Variants in VEGFC observed in about 807,000 individuals in gnomAD.
VEGFC encodes the protein vascular endothelial growth factor C.
In VEGFC, 12 loss-of-function variants were observed where a neutral mutation model predicts 46.1. The ratio of observed to expected loss-of-function variants is 0.26; its 90% CI spans 0.17 to 0.42. The LOEUF is 0.42. Ranked by LOEUF, VEGFC falls within the 10% of genes least tolerant of loss-of-function variation. The probability of loss-of-function intolerance (pLI) is 1.00; values close to 1 mark genes in which losing one functional copy is unlikely to be tolerated. For synonymous variants in VEGFC, 232 were observed against 195.5 expected (o/e 1.19, Z -1.56); for missense variants, 488 against 529.4 (o/e 0.92, Z 0.77).
chr4:176,729,756 A>G lies in VEGFC; in HGVS notation c.148-10T>C, dbSNP rs375440489. The G allele has an allele frequency of 6.3e-5, 98 of 1,561,842 alleles. 2 individuals are homozygous for G. The highest frequency in any genetic ancestry group is 5.9e-4 in the East Asian group (26 of 43,936). ...CTTTGCTTGCATAAGCCTGTCAAAG[A>G]AAAATGCAAGATCAATGACTTACCA... On this transcript the variant is annotated splice_polypyrimidine_tract_variant and intron_variant, in intron 1 of 6. Transcript: ENST00000618562.
intron 4 of VEGFC, among the ~76,000 whole-genome samples, chr4:176,704,863 G>A (rs1231059989): frequency 6.6e-6 from 1 of 152,094 alleles, no homozygotes; most frequent in Non-Finnish European, 1.5e-5. Flanking sequence ...TCTCCAAGAT[G>A]CTTCCTCACC....
chr4:176,707,506 A>AAACAGAAT (rs754169425), intron 4 of VEGFC, among the ~76,000 whole-genome samples: 14 of 152,156 alleles, frequency 9.2e-5, no homozygotes, highest in Non-Finnish European at 1.6e-4. Context: ...TCACAAAGAA[A>AAACAGAAT]AACAGAATAG....
chr4:176,786,489 C>T (rs960732320), intron 1 of VEGFC, among the ~76,000 whole-genome samples: 5 of 152,194 alleles, frequency 3.3e-5, no homozygotes, highest in Admixed American at 1.3e-4. Flanking sequence ...TTCCACCTTT[C>T]CCAGGCCTGC....
chr4:176,689,918 G>C (rs1734119593), intron 4 of VEGFC, among the ~76,000 whole-genome samples: 1 of 152,104 alleles, frequency 6.6e-6, no homozygotes, highest in Non-Finnish European at 1.5e-5. Flanking sequence ...GCATTATTAG[G>C]TATCAATTAT....
At chr4:176,765,390 A>C (rs961372287) in intron 1 of VEGFC, among the ~76,000 whole-genome samples, 2 of 152,092 alleles carry the variant, frequency 1.3e-5, no homozygotes, top group African/African-American at 4.8e-5. Flanking sequence ...ATAAAGAAAA[A>C]GGCATATTTA....
At chr4:176,747,449 C>G (rs6820626) in intron 1 of VEGFC, among the ~76,000 whole-genome samples, 6,927 of 151,876 alleles carry the variant, frequency 0.046, 494 homozygotes, top group African/African-American at 0.16. Flanking sequence ...GACTGCAAAC[C>G]CTGGGTCAGA....
At chr4:176,749,245 A>G (rs539356293) in intron 1 of VEGFC, among the ~76,000 whole-genome samples, 2 of 152,046 alleles carry the variant, frequency 1.3e-5, no homozygotes, top group African/African-American at 4.8e-5. Context: ...CCCTCCACTG[A>G]CAATTAAAAG....
intron 5 of VEGFC, 52 bp from the exon 6 acceptor site, chr4:176,687,572 G>T: frequency 6.9e-7 from 1 of 1,451,948 alleles, no homozygotes; most frequent in Non-Finnish European, 9.1e-7. Context: ...TTCTGGGTGT[G>T]GCATGAAACA....
At chr4:176,704,382 CAT>C (rs367934445) in intron 4 of VEGFC, among the ~76,000 whole-genome samples, 211 of 152,256 alleles carry the variant, frequency 1.4e-3, no homozygotes, top group African/African-American at 4.7e-3. Context: ...CTCAAGCTAA[CAT>C]GTGTTAAAAA....
intron 1 of VEGFC, among the ~76,000 whole-genome samples, chr4:176,759,767 T>C (rs1735496508): frequency 6.6e-6 from 1 of 152,108 alleles, no homozygotes; most frequent in Non-Finnish European, 1.5e-5. Context: ...TTAAGTCTTC[T>C]ATCTCCAAAT....
intron 1 of VEGFC, 65 bp from the exon 2 acceptor site, chr4:176,729,811 T>C: frequency 1.5e-6 from 2 of 1,354,796 alleles, no homozygotes; most frequent in South Asian, 1.6e-5. Flanking sequence ...AAATGCACTA[T>C]AAAACGGTTA....
intron 3 of VEGFC, among the ~76,000 whole-genome samples, chr4:176,716,170 C>T (rs1734695011): frequency 6.6e-6 from 1 of 151,754 alleles, no homozygotes; most frequent in African/African-American, 2.4e-5. Flanking sequence ...AAAATCTTTC[C>T]TTGTTTAGTT....
intron 1 of VEGFC, among the ~76,000 whole-genome samples, chr4:176,763,435 G>A (rs899356728): frequency 1.3e-5 from 2 of 152,164 alleles, no homozygotes; most frequent in African/African-American, 2.4e-5. Context: ...AAGTTGCAAA[G>A]AGGTGCATAG....
At chr4:176,776,435 G>A (rs1383221342) in intron 1 of VEGFC, among the ~76,000 whole-genome samples, 1 of 152,064 alleles carries the variant, frequency 6.6e-6, no homozygotes, top group Non-Finnish European at 1.5e-5. Context: ...AACACAATTT[G>A]GTCAAAACTA....
At chr4:176,777,039 T>A (rs954836919) in intron 1 of VEGFC, among the ~76,000 whole-genome samples, 1 of 152,042 alleles carries the variant, frequency 6.6e-6, no homozygotes. Context: ...ACTGGCCGGG[T>A]GCGGTAGCTC....
At chr4:176,778,684 T>G (rs557995087) in intron 1 of VEGFC, among the ~76,000 whole-genome samples, 1 of 152,234 alleles carries the variant, frequency 6.6e-6, no homozygotes, top group South Asian at 2.1e-4. Context: ...ACCTCTCAAT[T>G]ACCACATTCC....
At chr4:176,773,496 ACCT>A (rs1220411394) in intron 1 of VEGFC, among the ~76,000 whole-genome samples, 1 of 152,228 alleles carries the variant, frequency 6.6e-6, no homozygotes, top group Non-Finnish European at 1.5e-5. Flanking sequence ...ATTTGATCAT[ACCT>A]ATAAAAATAA....
chr4:176,777,514 T>C (rs983303359), intron 1 of VEGFC, among the ~76,000 whole-genome samples: 1 of 152,222 alleles, frequency 6.6e-6, no homozygotes, highest in Non-Finnish European at 1.5e-5. Flanking sequence ...CTGAATCTTA[T>C]AGAACTGTTT....
intron 5 of VEGFC, 119 bp downstream of exon 5, chr4:176,687,702 A>T: frequency 1.0e-6 from 1 of 998,582 alleles, no homozygotes; most frequent in Non-Finnish European, 1.5e-6. Flanking sequence ...AAAATGTACT[A>T]TTTTTTAGTC....
Sources: gnomAD v4.1 joint callset for allele counts (sites outside exome capture counted in the v4.1 genomes callset) on GRCh38, gnomAD v4.1.1 for gene constraint, MANE v1.5 for transcripts, NCBI Gene and HGNC (gene_info 2026-07-23, HGNC 2026-07-21) for gene names.